Variants in LRRC8E observed in about 807,000 individuals in gnomAD.
LRRC8E encodes the protein leucine rich repeat containing 8 VRAC subunit E, also known as volume-regulated anion channel subunit LRRC8E.
In LRRC8E, 6 loss-of-function variants were observed where a neutral mutation model predicts 6.1. The ratio of observed to expected loss-of-function variants is 0.98; its 90% CI spans 0.54 to 1.93. The LOEUF (loss-of-function observed/expected upper bound fraction) is 1.93, where lower values mean the gene tolerates loss of function less well. LRRC8E is among the 30% of genes most tolerant of loss of function. LRRC8E has a pLI of 0.01. For missense variants in LRRC8E, 1,028 were observed against 1,031.4 expected (o/e 1.00, Z 0.04); for synonymous variants, 485 against 472.8 (o/e 1.03, Z -0.33).
chr19:7,900,675 T>TCTTCTTCTGCCGCAAG lies in LRRC8E; in HGVS notation c.2156_2171dup (p.Arg725LeufsTer87). Reference sequence around the variant, plus strand: ...GCCCTGGAGGCCCTGCCCGAAGAGCTCTTCTTCTGCCGCAAGCTGCGGACG... The same window carrying TCTTCTTCTGCCGCAAG: ...GCCCTGGAGGCCCTGCCCGAAGAGCTCTTCTTCTGCCGCAAGCTTCTTCTGCCGCAAGCTGCGGACG... On this transcript the variant is annotated frameshift_variant, in exon 3 of 3. Transcript: ENST00000306708. LOFTEE classifies it low-confidence loss of function (END_TRUNC). The surrounding 1 kb of genome is among the most constrained non-coding windows in gnomAD (Gnocchi z 5.0). The TCTTCTTCTGCCGCAAG allele has an allele frequency of 6.2e-7, 1 of 1,613,312 alleles. No homozygotes were observed. Among genetic ancestry groups the TCTTCTTCTGCCGCAAG allele is most frequent in the African/African-American group, 1.3e-5 (1 of 75,006 alleles).
chr19:7,897,174 T>A (rs200970464), intron 2 of LRRC8E, among the ~76,000 whole-genome samples: 2 of 145,446 alleles, frequency 1.4e-5, no homozygotes, highest in East Asian at 4.4e-4. Context: ...TTCTTTTTCT[T>A]TTTCTTTTTT....
Position 7,899,908 on chromosome 19 carries a change from G to C in LRRC8E, c.1386G>C (p.Leu462Phe). 1 of 1,608,014 alleles carries C rather than the reference G, an allele frequency of 6.2e-7. No homozygotes were observed. The highest frequency in any genetic ancestry group is 8.5e-7 in the Non-Finnish European group (1 of 1,180,006). Residue 462 changes from leucine (L) to phenylalanine (F), a missense_variant, in exon 3 of 3, where the codon TTG (leucine) becomes TTC (phenylalanine). Coordinates refer to ENST00000306708, the MANE Select transcript of LRRC8E (RefSeq NM_025061.6). The part of the protein sequence containing the change: ...FPPGLSQLVH[L>F]QELSLLHSPA... ...CGGGGCTGTCACAGCTGGTGCACTT[G>C]CAGGAGCTCAGCTTGCTCCACTCGC... is the stretch of plus-strand genomic sequence containing the variant.
chr19:7,900,282 T>C lies in LRRC8E; in HGVS notation c.1760T>C (p.Leu587Pro), dbSNP rs1981913425. ...AAGAAGCTGGCGGCATTGCGGGAGC[T>C]GGAGCTGGTGGCCTGCGGGCTGGAG... ...SLKKLAALRE[L>P]ELVACGLERI... Residue 587 changes from leucine (L) to proline (P), a missense_variant, in exon 3 of 3, where the codon CTG becomes CCG. By Grantham distance (98) the Leu-to-Pro change is moderately conservative (BLOSUM62 -3). Transcript: ENST00000306708. This position sits in a 1 kb window ranked among gnomAD's most constrained non-coding sequence, Gnocchi z 5.0. 1.9e-6 allele frequency: 3 copies of C among 1,613,390 alleles called. No individual in the cohort carries two copies. Among genetic ancestry groups the C allele is most frequent in the Admixed American group, 1.7e-5 (1 of 60,028 alleles).
chr19:7,897,660 A>C (rs1981671386), intron 2 of LRRC8E, among the ~76,000 whole-genome samples: 1 of 141,804 alleles, frequency 7.1e-6, no homozygotes, highest in Admixed American at 7.2e-5. Context: ...GAGCCACCGC[A>C]CCCAGCCTCT....
At chr19:7,892,800 A>G (rs1171660705) in intron 1 of LRRC8E, among the ~76,000 whole-genome samples, 2 of 152,054 alleles carry the variant, frequency 1.3e-5, no homozygotes, top group Non-Finnish European at 2.9e-5. Flanking sequence ...GCAGACTGGG[A>G]TATTTGTAGT....
intron 1 of LRRC8E, among the ~76,000 whole-genome samples, chr19:7,890,646 G>A (rs1043600203): frequency 8.5e-5 from 13 of 152,080 alleles, no homozygotes; most frequent in East Asian, 3.9e-4. Context: ...AAAATTAGCC[G>A]GGCGAGGTGG....
intron 1 of LRRC8E, among the ~76,000 whole-genome samples, chr19:7,893,171 T>C (rs1179731756): frequency 1.3e-5 from 2 of 152,152 alleles, no homozygotes; most frequent in Non-Finnish European, 2.9e-5. Flanking sequence ...CACGCCCAGC[T>C]AATTTTTTGT....
chr19:7,894,390 A>AT (rs1169547037), intron 1 of LRRC8E, among the ~76,000 whole-genome samples: 1 of 152,002 alleles, frequency 6.6e-6, no homozygotes, highest in African/African-American at 2.4e-5. Flanking sequence ...CACCTGGTTA[A>AT]TTTTTTGTGT....
intron 1 of LRRC8E, among the ~76,000 whole-genome samples, chr19:7,889,886 A>C (rs1981216221): frequency 6.6e-6 from 1 of 151,530 alleles, no homozygotes; most frequent in African/African-American, 2.4e-5. Flanking sequence ...AGTAGCTGGG[A>C]CTACAAGCAT....
At position 7,891,549 on chromosome 19, in the gene LRRC8E, G is replaced by GTGTGTGTGTGTT. The variant is rs1555697640; in HGVS notation, c.-6+2960_-6+2961insTTGTGTGTGTGT. Among the ~76,000 whole-genome samples the GTGTGTGTGTGTT allele has an allele frequency of 1.0e-4, 15 of 145,434 alleles. 2 individuals are homozygous for GTGTGTGTGTGTT. Among genetic ancestry groups the GTGTGTGTGTGTT allele is most frequent in the Admixed American group, 6.9e-5 (1 of 14,572 alleles). On this transcript the variant is annotated intron_variant, in intron 1 of 2. Transcript: ENST00000306708. ...GGTGTGTGTGTGTGTGTGTGTGTTTGTGTGTGTGTGTGTGTGTTGTGTGAT... is the reference window on the plus strand; with the variant it reads ...GGTGTGTGTGTGTGTGTGTGTGTTTGTGTGTGTGTGTTTGTGTGTGTGTGTGTGTTGTGTGAT...
At position 7,901,509 on chromosome 19, in the gene LRRC8E, G is replaced by C. The variant is rs1982015269; in HGVS notation, c.*596G>C. The C allele has an allele frequency of 6.6e-6, 1 of 152,266 alleles. No individual in the cohort carries two copies. Among genetic ancestry groups the C allele is most frequent in the Non-Finnish European group, 1.5e-5 (1 of 68,096 alleles). The allele number at this position is 152,266 out of a possible 1,614,324, so 9.4% of individuals were successfully genotyped here. A position where few individuals can be genotyped will look rare whatever the true frequency, so the allele number is the denominator to read the frequency against. ...CAGGAGGTTTGGTTGGGGGCCAGGAGTCTGTTCCTAAATATTCCAGGTAGT... is the reference window on the plus strand; with the variant it reads ...CAGGAGGTTTGGTTGGGGGCCAGGACTCTGTTCCTAAATATTCCAGGTAGT... On this transcript the variant is annotated 3_prime_UTR_variant, in exon 3 of 3. Transcript: ENST00000306708.
At chr19:7,888,708 G>C (rs558218056) in intron 1 of LRRC8E, 108 bp downstream of exon 1, 1 of 152,200 alleles carries the variant, frequency 6.6e-6, no homozygotes, top group African/African-American at 2.4e-5. Context: ...CAGGTGCGCC[G>C]GCCCTGTGGC....
At chr19:7,891,890 G>A (rs576656798) in intron 1 of LRRC8E, among the ~76,000 whole-genome samples, 6 of 152,006 alleles carry the variant, frequency 3.9e-5, no homozygotes, top group South Asian at 2.1e-4. Context: ...GATTACAGGC[G>A]AGAGCCACCG....
At position 7,895,689 on chromosome 19, in the gene LRRC8E, AG is replaced by A. The variant is rs1244744984; in HGVS notation, c.87del (p.Glu29AspfsTer9). 1.2e-6 allele frequency: 2 copies of A among 1,613,984 alleles called. No homozygotes were observed. Among genetic ancestry groups the A allele is most frequent in the Non-Finnish European group, 1.7e-6 (2 of 1,179,980 alleles). ...VLKPWWDVLA[E>X]YLTVAMLMIG... ...AAACCCTGGTGGGACGTGCTGGCCGAGTACCTCACCGTGGCCATGCTCATGA... is the reference window on the plus strand; with the variant it reads ...AAACCCTGGTGGGACGTGCTGGCCGATACCTCACCGTGGCCATGCTCATGA... On this transcript the variant is annotated frameshift_variant, in exon 2 of 3. Transcript: ENST00000306708. LOFTEE classifies it high-confidence loss of function. This position sits in a 1 kb window ranked among gnomAD's most constrained non-coding sequence, Gnocchi z 4.7.
At position 7,895,400 on chromosome 19, in the gene LRRC8E, G is replaced by C; in HGVS notation, c.-5-199G>C. ...AGGGGAACAGTGGCCGCTTGGTTCT[G>C]GGCAGGTGGTGACGTCTGCATGGAG... On this transcript the variant is annotated intron_variant, in intron 1 of 2. Transcript: ENST00000306708. This position sits in a 1 kb window ranked among gnomAD's most constrained non-coding sequence, Gnocchi z 4.7. 2 of 612,298 alleles carry C rather than the reference G, an allele frequency of 3.3e-6. No individual in the cohort carries two copies. The highest frequency in any genetic ancestry group is 3.7e-5 in the African/African-American group (2 of 54,322). The allele number at this position is 612,298 out of a possible 1,614,324, so 37.9% of individuals were successfully genotyped here.
rs146393094 is a variant in LRRC8E, at chr19:7,899,973, A to G, written c.1451A>G (p.Asp484Gly). 4 of 1,609,594 alleles carry G rather than the reference A, an allele frequency of 2.5e-6. No homozygotes were observed. The East Asian group carries it at 6.7e-5, about 27-fold the overall frequency. The change falls in exon 3 of 3, where the codon GAC becomes GGC. Residue 484 changes from aspartate to glycine, a missense_variant. Physicochemically the swap from Asp to Gly is moderately conservative, Grantham distance 94. Transcript: ENST00000306708. ...TTCTCCTTGCAGGTCTTCCTGCGGGACCACCTGAAGGTGATGCGCGTCAAA... is the reference window on the plus strand; with the variant it reads ...TTCTCCTTGCAGGTCTTCCTGCGGGGCCACCTGAAGGTGATGCGCGTCAAA... ...LPFSLQVFLR[D>G]HLKVMRVKCE...
intron 2 of LRRC8E, among the ~76,000 whole-genome samples, chr19:7,897,607 C>T (rs911395119): frequency 3.5e-5 from 5 of 142,692 alleles, no homozygotes; most frequent in African/African-American, 1.2e-4. Flanking sequence ...CCCCGCTTGG[C>T]CCCCCCTCCC....
chr19:7,899,313 G>A lies in LRRC8E; in HGVS notation c.791G>A (p.Cys264Tyr), dbSNP rs1981804398. The A allele has an allele frequency of 1.9e-6, 3 of 1,614,226 alleles. No individual in the cohort carries two copies. Among genetic ancestry groups the A allele is most frequent in the African/African-American group, 1.3e-5 (1 of 75,060 alleles). ...MYIRQTVLKV[C>Y]KFLAILVYNL... ...ATCCGACAGACGGTGCTGAAAGTGT[G>A]TAAGTTCCTGGCCATCCTGGTCTAC... Residue 264 changes from cysteine (C) to tyrosine (Y), a missense_variant, in exon 3 of 3, where the codon TGT becomes TAT. By Grantham distance (194) the Cys-to-Tyr change is radical. Coordinates refer to ENST00000306708, the MANE Select transcript of LRRC8E (RefSeq NM_025061.6).
intron 1 of LRRC8E, among the ~76,000 whole-genome samples, chr19:7,893,414 C>A (rs1981417557): frequency 6.6e-6 from 1 of 151,852 alleles, no homozygotes; most frequent in Non-Finnish European, 1.5e-5. Context: ...GTATACTTGG[C>A]TTTTTGCTTA....
Sources: allele counts gnomAD v4.1 joint callset (sites outside exome capture counted in the v4.1 genomes callset), GRCh38; gene constraint gnomAD v4.1.1; non-coding constraint Gnocchi (gnomAD v3.1); transcripts MANE v1.5; gene names NCBI Gene and HGNC (gene_info 2026-07-23, HGNC 2026-07-21).